FIG4: variants seen among roughly 807,000 people sequenced by gnomAD.
The protein encoded by FIG4 is polyphosphoinositide phosphatase.
Under a neutral mutation model 118.6 loss-of-function variants are expected in FIG4, and 112 were observed. The observed-to-expected ratio is 0.94, with a 90% CI of 0.81 to 1.11. The LOEUF (loss-of-function observed/expected upper bound fraction) is 1.11, where lower values mean the gene tolerates loss of function less well. FIG4 is among the 50% of genes least tolerant of loss of function. The probability of loss-of-function intolerance (pLI) is 0.00; values close to 1 mark genes in which losing one functional copy is unlikely to be tolerated. For synonymous variants in FIG4, 369 were observed against 381.2 expected (o/e 0.97, Z 0.37); for missense variants, 969 against 1,111.7 (o/e 0.87, Z 1.83).
At chr6:109,716,662 T>A in intron 3 of FIG4, 94 bp downstream of exon 3, 1 of 1,399,710 alleles carries the variant, frequency 7.1e-7, no homozygotes, top group South Asian at 1.2e-5. Context: ...GCTATAAGGC[T>A]TTAAAATTAT....
intron 10 of FIG4, among the ~76,000 whole-genome samples, chr6:109,757,111 T>G (rs1776936840): frequency 6.6e-6 from 1 of 152,222 alleles, no homozygotes; most frequent in Admixed American, 6.5e-5. Context: ...TTTATTAGTC[T>G]GGCTAACAGT....
chr6:109,825,319 G>T lies in FIG4; in HGVS notation c.*54G>T. On this transcript the variant is annotated 3_prime_UTR_variant, in exon 23 of 23. Coordinates refer to ENST00000230124, the MANE Select transcript of FIG4 (RefSeq NM_014845.6). ...GTCTGATTAGCTTAGAACCTGTCTT[G>T]TCTCATCTTCAAAAGGTAACTTATT... The T allele has an allele frequency of 6.6e-7, 1 of 1,522,974 alleles. No individual in the cohort carries two copies. The allele number at this position is 1,522,974 out of a possible 1,614,324, so 94.3% of individuals were successfully genotyped here.
In FIG4 at chr6:109,808,006, A is replaced by T. The variant is rs575554442; in HGVS notation, c.2546+11155A>T. 7.9e-5 allele frequency among the ~76,000 whole-genome samples: 12 copies of T among 152,208 alleles called. No homozygotes were observed. In the South Asian group the frequency reaches 2.5e-3, roughly 32 times the overall value. ...TGGCACTCAAATTCATTTCTTTGGG[A>T]CTCAAACAGAAAGTCCAATAACACA... is the stretch of plus-strand genomic sequence containing the variant. On this transcript the variant is annotated intron_variant, in intron 22 of 22. Coordinates refer to ENST00000230124, the MANE Select transcript of FIG4 (RefSeq NM_014845.6).
At chr6:109,693,998 T>A (rs1011834150) in intron 1 of FIG4, among the ~76,000 whole-genome samples, 1 of 151,006 alleles carries the variant, frequency 6.6e-6, no homozygotes, top group Non-Finnish European at 1.5e-5. Flanking sequence ...TGCTATGAAT[T>A]AAAAAAACAA....
At chr6:109,719,823 G>A (rs1035551617) in intron 3 of FIG4, among the ~76,000 whole-genome samples, 1 of 151,844 alleles carries the variant, frequency 6.6e-6, no homozygotes, top group African/African-American at 2.4e-5. Context: ...ACCTTTTATT[G>A]TTCTTGACAT....
At chr6:109,778,562 T>C (rs1240739686) in intron 16 of FIG4, among the ~76,000 whole-genome samples, 1 of 151,964 alleles carries the variant, frequency 6.6e-6, no homozygotes, top group African/African-American at 2.4e-5. Flanking sequence ...ACTGACAGAG[T>C]TGCAAGTACA....
In FIG4 at chr6:109,735,294, A is replaced by G. The variant is rs766489048; in HGVS notation, c.642A>G (p.Gly214=). 9 of 1,613,136 alleles carry G rather than the reference A, an allele frequency of 5.6e-6. No homozygotes were observed. The highest frequency in any genetic ancestry group is 2.7e-5 in the African/African-American group (2 of 74,986). The change falls in exon 6 of 23, where the codon GGA becomes GGG. Residue 214 remains glycine (G), a synonymous_variant. Coordinates refer to ENST00000230124, the MANE Select transcript of FIG4 (RefSeq NM_014845.6). ...FEDEGLITQG[G]SGVFGICSEP... ...ATGAAGGATTAATTACACAAGGTGGAAGCGGTAGGTGGTCTTGATATATCT... is the reference window on the plus strand; with the variant it reads ...ATGAAGGATTAATTACACAAGGTGGGAGCGGTAGGTGGTCTTGATATATCT...
At chr6:109,716,593 C>G in intron 3 of FIG4, 25 bp downstream of exon 3, 1 of 1,612,902 alleles carries the variant, frequency 6.2e-7, no homozygotes, top group Non-Finnish European at 8.5e-7. Flanking sequence ...CCCCTTCTTA[C>G]AATCTCTTGT....
chr6:109,745,971 T>A (rs1413311835), intron 10 of FIG4, among the ~76,000 whole-genome samples: 1 of 152,096 alleles, frequency 6.6e-6, no homozygotes, highest in Non-Finnish European at 1.5e-5. Context: ...AGAACAAAAC[T>A]GGAGGCATCA....
chr6:109,819,239 A>T (rs1264967337), intron 22 of FIG4, among the ~76,000 whole-genome samples: 1 of 152,188 alleles, frequency 6.6e-6, no homozygotes, highest in East Asian at 1.9e-4. Context: ...GAAACATACA[A>T]CTGCTATTTG....
chr6:109,766,969 G>T (rs1476122483), intron 15 of FIG4, 74 bp downstream of exon 15: 3 of 1,240,044 alleles, frequency 2.4e-6, no homozygotes, highest in Non-Finnish European at 3.5e-6. Flanking sequence ...AAAGCTATCT[G>T]GCTAAGTGAA....
chr6:109,814,027 T>C (rs1262633725), intron 22 of FIG4, among the ~76,000 whole-genome samples: 1 of 152,190 alleles, frequency 6.6e-6, no homozygotes, highest in Non-Finnish European at 1.5e-5. Context: ...AACTGTGACA[T>C]AATAAATGTT....
chr6:109,691,636 T>G (rs969977494), intron 1 of FIG4, 135 bp downstream of exon 1: 3 of 870,176 alleles, frequency 3.4e-6, no homozygotes, highest in Non-Finnish European at 5.6e-6. Context: ...AAACACAGCC[T>G]TGGGGTAAGC....
chr6:109,741,982 A>G (rs900932806), intron 8 of FIG4, among the ~76,000 whole-genome samples: 5 of 151,922 alleles, frequency 3.3e-5, no homozygotes, highest in African/African-American at 1.2e-4. Flanking sequence ...TGTGGAGGGA[A>G]CCCATGGATG....
chr6:109,750,715 A>G (rs919583998), intron 10 of FIG4, among the ~76,000 whole-genome samples: 3 of 152,172 alleles, frequency 2.0e-5, no homozygotes, highest in African/African-American at 7.2e-5. Flanking sequence ...CTGTGGCTCT[A>G]AAGAGGTTGA....
intron 22 of FIG4, among the ~76,000 whole-genome samples, chr6:109,808,153 G>A (rs928106894): frequency 3.3e-5 from 5 of 152,024 alleles, no homozygotes; most frequent in Admixed American, 6.6e-5. Context: ...CAAATGGCTA[G>A]CAGCTGTCAC....
At chr6:109,782,091 G>A (rs1777823101) in intron 16 of FIG4, among the ~76,000 whole-genome samples, 1 of 152,056 alleles carries the variant, frequency 6.6e-6, no homozygotes. Context: ...CTATGGAACC[G>A]AGAACTCTTA....
At chr6:109,717,986 G>A (rs1360838003) in intron 3 of FIG4, among the ~76,000 whole-genome samples, 1 of 152,178 alleles carries the variant, frequency 6.6e-6, no homozygotes, top group Non-Finnish European at 1.5e-5. Flanking sequence ...ACCTGAGACT[G>A]GGTAATTTAT....
intron 22 of FIG4, among the ~76,000 whole-genome samples, chr6:109,818,635 G>A (rs757125274): frequency 2.6e-5 from 4 of 152,110 alleles, no homozygotes; most frequent in African/African-American, 4.8e-5. Context: ...GGATATATGA[G>A]GGTTGGTGCT....
Sources: allele counts gnomAD v4.1 joint callset (sites outside exome capture counted in the v4.1 genomes callset), GRCh38; gene constraint gnomAD v4.1.1; transcripts MANE v1.5; gene names NCBI Gene and HGNC (gene_info 2026-07-23, HGNC 2026-07-21).